Variants in ARL14EPL observed in about 807,000 individuals in gnomAD.
The protein encoded by ARL14EPL is ARL14 effector protein-like.
In ARL14EPL, 17 loss-of-function variants were observed where a neutral mutation model predicts 15.9. The observed-to-expected ratio is 1.07, with a 90% CI of 0.73 to 1.60. The LOEUF is 1.60. ARL14EPL is among the 40% of genes most tolerant of loss of function. ARL14EPL has a pLI of 0.00. For synonymous variants in ARL14EPL, 78 were observed against 63.8 expected (o/e 1.22, Z -1.06); for missense variants, 214 against 185.9 (o/e 1.15, Z -0.88).
chr5:116,036,541 A>G (rs1409039468), intron 1 of ARL14EPL, among the ~76,000 whole-genome samples: 2 of 152,232 alleles, frequency 1.3e-5, no homozygotes, highest in African/African-American at 2.4e-5. Flanking sequence ...ACATGTTTTT[A>G]GGGGCTTATA....
intron 1 of ARL14EPL, among the ~76,000 whole-genome samples, chr5:116,050,852 C>CAT (rs1749362070): frequency 6.6e-6 from 1 of 151,432 alleles, no homozygotes; most frequent in Admixed American, 6.6e-5. Flanking sequence ...CACACACACA[C>CAT]ACACAGACGC....
At chr5:116,039,493 A>G (rs1749108761) in intron 1 of ARL14EPL, among the ~76,000 whole-genome samples, 1 of 152,218 alleles carries the variant, frequency 6.6e-6, no homozygotes, top group Non-Finnish European at 1.5e-5. Context: ...AAGTGATCAA[A>G]TCAAAGATAG....
intron 1 of ARL14EPL, among the ~76,000 whole-genome samples, chr5:116,044,009 A>G (rs1180787739): frequency 6.6e-6 from 1 of 152,168 alleles, no homozygotes; most frequent in African/African-American, 2.4e-5. Context: ...GCATTTTATC[A>G]ATCTGGAACT....
chr5:116,056,334 G>A (rs924414264), intron 3 of ARL14EPL, among the ~76,000 whole-genome samples: 6 of 152,072 alleles, frequency 3.9e-5, no homozygotes, highest in African/African-American at 7.2e-5. Flanking sequence ...TTTAATGATC[G>A]TCATTCTAAC....
At chr5:116,057,314 T>C (rs1749542159) in intron 3 of ARL14EPL, among the ~76,000 whole-genome samples, 1 of 152,162 alleles carries the variant, frequency 6.6e-6, no homozygotes, top group Admixed American at 6.5e-5. Flanking sequence ...TAACACTCTT[T>C]TGTTAAGCTG....
intron 1 of ARL14EPL, among the ~76,000 whole-genome samples, chr5:116,038,074 G>C (rs1169580088): frequency 3.3e-5 from 5 of 152,178 alleles, no homozygotes; most frequent in African/African-American, 1.2e-4. Flanking sequence ...GGTAGGGATG[G>C]CGGAGTGGGT....
intron 1 of ARL14EPL, among the ~76,000 whole-genome samples, chr5:116,046,245 C>A (rs763387174): frequency 1.3e-5 from 2 of 152,178 alleles, no homozygotes; most frequent in Non-Finnish European, 2.9e-5. Context: ...GAATAAGTGG[C>A]ATTATCTGCT....
At chr5:116,049,430 A>T (rs1411931975) in intron 1 of ARL14EPL, among the ~76,000 whole-genome samples, 1 of 152,236 alleles carries the variant, frequency 6.6e-6, no homozygotes, top group African/African-American at 2.4e-5. Context: ...ATGTGAGAGT[A>T]TCAAAGCAAA....
chr5:116,054,234 C>A, intron 3 of ARL14EPL, 81 bp downstream of exon 3: 1 of 1,342,958 alleles, frequency 7.4e-7, no homozygotes, highest in Non-Finnish European at 9.8e-7. Flanking sequence ...GAAAGATTCC[C>A]TCTTTTTATT....
chr5:116,052,223 G>A, intron 2 of ARL14EPL: 1 of 1,605,472 alleles, frequency 6.2e-7, no homozygotes, highest in South Asian at 1.1e-5. Context: ...TTTGTTCACT[G>A]GGTCTTTGTT....
At chr5:116,033,281 T>C (rs906840218) in intron 1 of ARL14EPL, among the ~76,000 whole-genome samples, 3 of 152,188 alleles carry the variant, frequency 2.0e-5, no homozygotes, top group African/African-American at 7.2e-5. Flanking sequence ...ATACTTTGAG[T>C]ACCTACAGAG....
chr5:116,043,765 G>A (rs1456805795), intron 1 of ARL14EPL, among the ~76,000 whole-genome samples: 1 of 152,080 alleles, frequency 6.6e-6, no homozygotes, highest in Non-Finnish European at 1.5e-5. Context: ...ACTTTTCTTG[G>A]TTGGTTACAA....
At chr5:116,032,907 C>T (rs2662452) in intron 1 of ARL14EPL, among the ~76,000 whole-genome samples, 49,367 of 151,926 alleles carry the variant, frequency 0.32, 8,501 homozygotes, top group East Asian at 0.44. Context: ...AGGTGATTCT[C>T]CCACCTCAGC....
Position 116,058,891 on chromosome 5 carries a change from A to G in ARL14EPL, c.403A>G (p.Ile135Val), listed in dbSNP as rs770607981. ...CAACCGACGGTGGGTTTACGATGCC[A>G]TCGTCACTGAGTCAGGAGAGGTCAT... ...RCNRRWVYDA[I>V]VTESGEVIST... The change falls in exon 4 of 4, where the codon ATC becomes GTC. Residue 135 changes from isoleucine to valine, a missense_variant. Transcript: ENST00000686077. 58 of 1,536,106 alleles carry G rather than the reference A, an allele frequency of 3.8e-5. No individual in the cohort carries two copies. In the South Asian group the frequency reaches 4.2e-4, roughly 11 times the overall value.
chr5:116,051,397 A>T, intron 1 of ARL14EPL, 60 bp from the exon 2 acceptor site: 1 of 1,003,006 alleles, frequency 1.0e-6, no homozygotes, highest in Non-Finnish European at 1.5e-6. Flanking sequence ...GAATCACCAG[A>T]TATAGTTACT....
intron 1 of ARL14EPL, among the ~76,000 whole-genome samples, chr5:116,044,394 T>C (rs1749224458): frequency 6.6e-6 from 1 of 152,188 alleles, no homozygotes; most frequent in Admixed American, 6.5e-5. Flanking sequence ...AGACACTGTT[T>C]ATAAACATGC....
At chr5:116,046,440 T>C (rs1031810598) in intron 1 of ARL14EPL, among the ~76,000 whole-genome samples, 1 of 152,162 alleles carries the variant, frequency 6.6e-6, no homozygotes, top group African/African-American at 2.4e-5. Context: ...ATGGAAGTGA[T>C]AAACGTATGA....
At chr5:116,045,472 A>G (rs538945728) in intron 1 of ARL14EPL, among the ~76,000 whole-genome samples, 5 of 152,326 alleles carry the variant, frequency 3.3e-5, no homozygotes, top group African/African-American at 1.2e-4. Flanking sequence ...AAATTGCAAG[A>G]AATAATTTGA....
At chr5:116,034,619 C>T (rs1461368322) in intron 1 of ARL14EPL, among the ~76,000 whole-genome samples, 2 of 152,020 alleles carry the variant, frequency 1.3e-5, no homozygotes, top group Non-Finnish European at 2.9e-5. Flanking sequence ...AGTAGTACAA[C>T]GAAGTAGGGA....
Sources: allele counts gnomAD v4.1 joint callset (sites outside exome capture counted in the v4.1 genomes callset), GRCh38; gene constraint gnomAD v4.1.1; transcripts MANE v1.5; gene names NCBI Gene and HGNC (gene_info 2026-07-23, HGNC 2026-07-21).